Variants in BICD1 observed in about 807,000 individuals in gnomAD.
The protein encoded by BICD1 is protein bicaudal D homolog 1.
A neutral mutation model predicts 92.5 loss-of-function variants in BICD1; 35 were observed. The ratio of observed to expected loss-of-function variants is 0.38; its 90% CI spans 0.29 to 0.50. BICD1 has a LOEUF of 0.50. BICD1 is among the 20% of genes least tolerant of loss of function. The pLI is 0.93. For missense variants in BICD1, 950 were observed against 1,189.8 expected, an observed-to-expected ratio of 0.80 and a Z score of 2.97; for synonymous variants, 429 against 465.1, an observed-to-expected ratio of 0.92 and a Z score of 1.00.
At chr12:32,305,035 C>CAACA in intron 3 of BICD1, among the ~76,000 whole-genome samples, 1 of 151,936 alleles carries the variant, frequency 6.6e-6, no homozygotes. Context: ...ACAAACCAAC[C>CAACA]AACAAACAAA....
At chr12:32,223,134 T>C (rs777938776) in intron 2 of BICD1, among the ~76,000 whole-genome samples, 2 of 152,240 alleles carry the variant, frequency 1.3e-5, no homozygotes, top group Non-Finnish European at 2.9e-5. Context: ...GTTATGGAGA[T>C]GGCTTCTTTC....
At chr12:32,239,674 T>A (rs1013471281) in intron 2 of BICD1, among the ~76,000 whole-genome samples, 2 of 151,416 alleles carry the variant, frequency 1.3e-5, no homozygotes, top group Admixed American at 1.3e-4. Context: ...GCTGGCATGA[T>A]CTCAGCTCAC....
intron 3 of BICD1, 143 bp downstream of exon 3, chr12:32,294,289 C>T (rs1318323845): frequency 8.4e-6 from 7 of 836,240 alleles, no homozygotes; most frequent in Non-Finnish European, 1.2e-5. Context: ...TGTCCCAACC[C>T]TCCTATTTCA....
At position 32,378,926 on chromosome 12, in the gene BICD1, A is replaced by C. The variant is rs912920219; in HGVS notation, c.*1299A>C. Reference sequence around the variant, plus strand: ...TAAGGCAGTGGATTTTCATAGCAAAATTTATTTTGCACATAATCTGACAAA... The same window carrying C: ...TAAGGCAGTGGATTTTCATAGCAAACTTTATTTTGCACATAATCTGACAAA... On this transcript the variant is annotated 3_prime_UTR_variant, in exon 10 of 10. Coordinates refer to ENST00000652176, the MANE Select transcript of BICD1 (RefSeq NM_001714.4). The C allele has an allele frequency of 1.8e-4, 27 of 152,162 alleles. No homozygotes were observed. The highest frequency in any genetic ancestry group is 6.5e-4 in the African/African-American group (27 of 41,426). The allele number at this position is 152,162 out of a possible 1,614,324, so 9.4% of individuals were successfully genotyped here. A position where few individuals can be genotyped will look rare whatever the true frequency, so the allele number is the denominator to read the frequency against.
At position 32,143,455 on chromosome 12, in the gene BICD1, AT is replaced by A. The variant is rs68188131; in HGVS notation, c.213+35920del. Among the ~76,000 whole-genome samples, 283 of 148,894 alleles carry A rather than the reference AT, an allele frequency of 1.9e-3. 2 individuals are homozygous for A. Among genetic ancestry groups the A allele is most frequent in the African/African-American group, 6.5e-3 (260 of 40,236 alleles). On this transcript the variant is annotated intron_variant, in intron 1 of 9. Coordinates refer to ENST00000652176, the MANE Select transcript of BICD1 (RefSeq NM_001714.4). ...TTTAATGCTTTTTCTTTCATTTAAC[AT>A]TTTTTTTTGTGTGTGTGTGAGATTC...
chr12:32,322,447 C>T (rs1358738039), intron 4 of BICD1, among the ~76,000 whole-genome samples: 1 of 152,150 alleles, frequency 6.6e-6, no homozygotes, highest in African/African-American at 2.4e-5. Flanking sequence ...ACCTAGATCC[C>T]TCGCATGCGC....
intron 4 of BICD1, among the ~76,000 whole-genome samples, chr12:32,325,021 G>A (rs535956970): frequency 1.3e-5 from 2 of 152,166 alleles, no homozygotes; most frequent in Admixed American, 6.5e-5. Context: ...AGGTAGTTTT[G>A]GGGATTTTTT....
chr12:32,261,649 G>A (rs763913787), intron 2 of BICD1, among the ~76,000 whole-genome samples: 1 of 152,256 alleles, frequency 6.6e-6, no homozygotes, highest in Non-Finnish European at 1.5e-5. Flanking sequence ...GATGCTGGAG[G>A]ATTCCACCAC....
chr12:32,268,000 T>A (rs1445197390), intron 2 of BICD1, among the ~76,000 whole-genome samples: 3 of 152,146 alleles, frequency 2.0e-5, no homozygotes, highest in Non-Finnish European at 4.4e-5. Context: ...AAATGGTGTC[T>A]TACTGTGTAG....
chr12:32,181,419 C>CA (rs5797462), intron 1 of BICD1, among the ~76,000 whole-genome samples: 18,961 of 138,990 alleles, frequency 0.14, 1,603 homozygotes, highest in East Asian at 0.29. Flanking sequence ...GACTCTGTCT[C>CA]AAAAAAAAAA....
chr12:32,150,159 C>T (rs4931612), intron 1 of BICD1, among the ~76,000 whole-genome samples: 123,869 of 152,140 alleles, frequency 0.81, 50,577 homozygotes, highest in Admixed American at 0.89. Context: ...TACCTTCCAC[C>T]GGGTCCCTCC....
chr12:32,283,359 ACCACTCCACTCCACT>A lies in BICD1; in HGVS notation c.427-10614_427-10600del, dbSNP rs10672753. Among the ~76,000 whole-genome samples the A allele has an allele frequency of 4.9e-3, 735 of 149,554 alleles. 4 individuals are homozygous for A. The highest frequency in any genetic ancestry group is 0.017 in the African/African-American group (700 of 40,580). On this transcript the variant is annotated intron_variant, in intron 2 of 9. Coordinates refer to ENST00000652176, the MANE Select transcript of BICD1 (RefSeq NM_001714.4). ...GTCTTGCTCAGAGTCTGGGCATTTG[ACCACTCCACTCCACT>A]CCACTCCACTCCACTCCACTGCCTC...
Position 32,216,313 on chromosome 12 carries a change from C to T in BICD1, c.280C>T (p.Leu94Phe), listed in dbSNP as rs777630104. The change falls in exon 2 of 10, where the codon CTT (leucine) becomes TTT (phenylalanine). Residue 94 changes from leucine (L) to phenylalanine (F), a missense_variant. Coordinates refer to ENST00000652176, the MANE Select transcript of BICD1 (RefSeq NM_001714.4). ...AEDGETREET[L>F]LQESASKEAY... is the part of the protein sequence containing the mutation. ...AGATGGAGAGACTCGGGAGGAAACG[C>T]TTCTGCAGGAGTCAGCATCGAAGGA... The T allele has an allele frequency of 5.6e-6, 9 of 1,614,184 alleles. No individual in the cohort carries two copies. The highest frequency in any genetic ancestry group is 1.1e-5 in the South Asian group (1 of 91,082).
chr12:32,124,433 G>T lies in BICD1; in HGVS notation c.213+16889G>T, dbSNP rs538715109. ...CAATATTTGAAATGATGTGAACGTTGGTTTCCTCCTCAGTAAAATGGAGAA... is the reference window on the plus strand; with the variant it reads ...CAATATTTGAAATGATGTGAACGTTTGTTTCCTCCTCAGTAAAATGGAGAA... On this transcript the variant is annotated intron_variant, in intron 1 of 9. Coordinates refer to ENST00000652176, the MANE Select transcript of BICD1 (RefSeq NM_001714.4). 7.2e-5 allele frequency among the ~76,000 whole-genome samples: 11 copies of T among 152,198 alleles called. No individual in the cohort carries two copies. In the East Asian group the frequency reaches 2.1e-3, roughly 29 times the overall value.
chr12:32,346,615 TGTATATATATATATATATAC>T (rs1426645971), intron 8 of BICD1, among the ~76,000 whole-genome samples: 379 of 1,750 alleles, frequency 0.22, 57 homozygotes, highest in African/African-American at 0.3. Context: ...TATATATACG[TGTATATATATATATATATAC>T]GTGTATATAT....
chr12:32,225,621 GTTT>G lies in BICD1; in HGVS notation c.426+9180_426+9182del, dbSNP rs58895470. On this transcript the variant is annotated intron_variant, in intron 2 of 9. Coordinates refer to ENST00000652176, the MANE Select transcript of BICD1 (RefSeq NM_001714.4). The stretch of plus-strand genomic sequence containing the variant: ...TGGTATTTGACAGTTCTTTTTTTCT[GTTT>G]TTTTTTTTTTTTTTTTTAGACGGAG... 9.7e-5 allele frequency among the ~76,000 whole-genome samples: 9 copies of G among 92,786 alleles called. 1 individual carries two copies. The South Asian group carries it at 2.5e-3, about 26-fold the overall frequency. The allele number at this position is 92,786 out of a possible 152,430, so 60.9% of individuals were successfully genotyped here.
Position 32,279,667 on chromosome 12 carries a change from C to G in BICD1, c.427-14327C>G, listed in dbSNP as rs190589756. 4.6e-5 allele frequency among the ~76,000 whole-genome samples: 7 copies of G among 152,338 alleles called. No homozygotes were observed. In the East Asian group the frequency reaches 1.2e-3, roughly 25 times the overall value. On this transcript the variant is annotated intron_variant, in intron 2 of 9. Coordinates refer to ENST00000652176, the MANE Select transcript of BICD1 (RefSeq NM_001714.4). Reference sequence around the variant, plus strand: ...CTTATGATAAATGTTTGAAGTGACACTGAAATGTGAACTGGTTGTGAGACA... The same window carrying G: ...CTTATGATAAATGTTTGAAGTGACAGTGAAATGTGAACTGGTTGTGAGACA...
At chr12:32,291,481 A>C (rs530871268) in intron 2 of BICD1, among the ~76,000 whole-genome samples, 18 of 151,728 alleles carry the variant, frequency 1.2e-4, no homozygotes, top group Non-Finnish European at 2.7e-4. Context: ...AGGCTACAAT[A>C]AGCTGTGATT....
rs199959255 is a variant in BICD1 at position 32,327,816 on chromosome 12, A to C, written c.1361A>C (p.Lys454Thr). Residue 454 changes from lysine to threonine, a missense_variant, in exon 5 of 10, where the codon AAG becomes ACG. Lys to Thr is a moderately conservative substitution (Grantham distance 78). Transcript: ENST00000652176. ...SVENYTDEKAKYESKIQMYDE... is the reference protein window; with the variant it reads ...SVENYTDEKATYESKIQMYDE... Reference sequence around the variant, plus strand: ...GAAAACTACACTGATGAGAAGGCCAAGTATGAGAGTAAAATCCAGATGTAT... The same window carrying C: ...GAAAACTACACTGATGAGAAGGCCACGTATGAGAGTAAAATCCAGATGTAT... 6.0e-5 allele frequency: 97 copies of C among 1,614,048 alleles called. No individual in the cohort carries two copies. The highest frequency in any genetic ancestry group is 5.3e-4 in the South Asian group (48 of 91,092).
Sources: gnomAD v4.1 joint callset for allele counts (sites outside exome capture counted in the v4.1 genomes callset) on GRCh38, gnomAD v4.1.1 for gene constraint, MANE v1.5 for transcripts, NCBI Gene and HGNC (gene_info 2026-07-23, HGNC 2026-07-21) for gene names.